GFM1: variants seen among roughly 807,000 people sequenced by gnomAD.
GFM1 encodes the protein elongation factor G, mitochondrial.
GFM1 carries 62 observed loss-of-function variants against 96.2 expected under a neutral mutation model. The ratio of observed to expected loss-of-function variants is 0.64; its 90% CI spans 0.53 to 0.80. GFM1 has a LOEUF of 0.80. Among genes scored for constraint, GFM1 ranks in the 30% least tolerant of loss-of-function variants. The pLI, the probability that GFM1 is intolerant of heterozygous loss-of-function variation, is 0.00. For synonymous variants in GFM1, 282 were observed against 312.9 expected (o/e 0.90, Z 1.04); for missense variants, 852 against 916.6 (o/e 0.93, Z 0.91).
intron 5 of GFM1, chr3:158,649,971 G>T (rs1259307165): frequency 6.6e-7 from 1 of 1,509,494 alleles, no homozygotes; most frequent in Non-Finnish European, 8.9e-7. Flanking sequence ...TTGTTCTGAG[G>T]AGTGACCTCT....
At chr3:158,654,366 A>G (rs1391735028) in intron 7 of GFM1, among the ~76,000 whole-genome samples, 181 bp from the exon 8 acceptor site, 1 of 152,108 alleles carries the variant, frequency 6.6e-6, no homozygotes, top group Non-Finnish European at 1.5e-5. Flanking sequence ...GGCATGAGCC[A>G]CTATGCCCAG....
In GFM1 at chr3:158,690,250, C is replaced by A. The variant is rs1395806620; in HGVS notation, c.1997C>A (p.Ala666Glu). The change falls in exon 16 of 18, where the codon GCA becomes GAA. Residue 666 changes from alanine to glutamate, a missense_variant. By Grantham distance (107) the Ala-to-Glu change is moderately radical. Transcript: ENST00000486715. ...APNEFQGQVI[A>E]GINRRHGVIT... ...AATGAATTTCAGGGACAAGTAATTG[C>A]AGGAATTAACCGACGCCATGGGGTA... 1.9e-6 allele frequency: 3 copies of A among 1,613,306 alleles called. No homozygotes were observed. Among genetic ancestry groups the A allele is most frequent in the Non-Finnish European group, 2.5e-6 (3 of 1,179,688 alleles).
Position 158,654,578 on chromosome 3 carries a change from A to G in GFM1, c.1030A>G (p.Asn344Asp). 6.2e-7 allele frequency: 1 copy of G among 1,612,874 alleles called. No homozygotes were observed. Among genetic ancestry groups the G allele is most frequent in the Non-Finnish European group, 8.5e-7 (1 of 1,178,964 alleles). Residue 344 changes from asparagine to aspartate, a missense_variant, in exon 8 of 18, where the codon AAC (asparagine) becomes GAC (aspartate). By Grantham distance (23) the Asn-to-Asp change is conservative (BLOSUM62 1). Coordinates refer to ENST00000486715, the MANE Select transcript of GFM1 (RefSeq NM_024996.7). ...DSKEKTKILM[N>D]SSRDNSHPFV... ...AAAAGAGAAAACCAAAATCCTAATG[A>G]ACTCCAGTAGAGACAATTCCCACCC...
intron 13 of GFM1, chr3:158,672,337 C>T (rs767473371): frequency 6.2e-7 from 1 of 1,613,224 alleles, no homozygotes; most frequent in African/African-American, 1.3e-5. Context: ...CCACCACCCC[C>T]TGCTAAACTC....
At chr3:158,648,810 A>G (rs988193460) in intron 4 of GFM1, among the ~76,000 whole-genome samples, 15 of 151,892 alleles carry the variant, frequency 9.9e-5, no homozygotes, top group Middle Eastern at 6.8e-3. Context: ...ATGGTAAAAC[A>G]GTTATTCTGG....
intron 15 of GFM1, among the ~76,000 whole-genome samples, chr3:158,688,972 T>A (rs1726090292): frequency 1.3e-5 from 2 of 152,236 alleles, no homozygotes; most frequent in Non-Finnish European, 2.9e-5. Flanking sequence ...TGGTTTATTA[T>A]AAACAAATTG....
chr3:158,655,521 T>C (rs1268810115), intron 8 of GFM1, among the ~76,000 whole-genome samples: 1 of 151,986 alleles, frequency 6.6e-6, no homozygotes, highest in Non-Finnish European at 1.5e-5. Flanking sequence ...TAATTACAAT[T>C]TGATAAATAA....
Position 158,654,532 on chromosome 3 carries a change from TTC to T in GFM1, c.999-13_999-12del, listed in dbSNP as rs1428201490. On this transcript the variant is annotated splice_polypyrimidine_tract_variant and intron_variant, in intron 7 of 17. Transcript: ENST00000486715. ...TATATTACATCTCATAGATTTATATTTCTTTTATTTTAAGTGACTCAAAAGAG... is the reference window on the plus strand; with the variant it reads ...TATATTACATCTCATAGATTTATATTTTTTATTTTAAGTGACTCAAAAGAG... 4 of 1,400,948 alleles carry T rather than the reference TTC, an allele frequency of 2.9e-6. No homozygotes were observed. The highest frequency in any genetic ancestry group is 1.4e-5 in the African/African-American group (1 of 70,702). The allele number at this position is 1,400,948 out of a possible 1,614,324, so 86.8% of individuals were successfully genotyped here.
rs1393497877 is a variant in GFM1, at chr3:158,692,213, A to G, written c.*746A>G. 6.6e-6 allele frequency: 1 copy of G among 152,328 alleles called. No homozygotes were observed. 9.4% of individuals were successfully genotyped at this position (152,328 alleles called of 1,614,324 possible). On this transcript the variant is annotated 3_prime_UTR_variant, in exon 18 of 18. Transcript: ENST00000486715. ...TTGTAACTGCCTCTGTTTTAGGAGT[A>G]TAAGTATTACTTCCTTGTGGTCTAT...
At chr3:158,670,930 C>T (rs757007533) in intron 13 of GFM1, 5 of 1,086,568 alleles carry the variant, frequency 4.6e-6, no homozygotes, top group African/African-American at 3.0e-5. Context: ...GAGACCCTGT[C>T]TCAAAGAAAA....
Position 158,695,194 on chromosome 3 carries a change from T to C in GFM1, c.*3727T>C, listed in dbSNP as rs1726497531. 6.6e-6 allele frequency among the ~76,000 whole-genome samples: 1 copy of C among 151,896 alleles called. No homozygotes were observed. Among genetic ancestry groups the C allele is most frequent in the Non-Finnish European group, 1.5e-5 (1 of 67,978 alleles). ...TTCGAGACCACCCTGGCCAACACGG[T>C]GAAACCCCGTCTCTACTATAAATAC... On this transcript the variant is annotated 3_prime_UTR_variant, in exon 18 of 18. Transcript: ENST00000486715.
At chr3:158,664,926 A>C (rs1360021102) in intron 11 of GFM1, among the ~76,000 whole-genome samples, 2 of 152,208 alleles carry the variant, frequency 1.3e-5, no homozygotes, top group Non-Finnish European at 2.9e-5. Flanking sequence ...GTTGGTCTTA[A>C]GTATCCTGCT....
intron 15 of GFM1, chr3:158,684,899 C>G (rs1725709432): frequency 4.4e-6 from 2 of 455,498 alleles, no homozygotes; most frequent in Middle Eastern, 5.9e-4. Flanking sequence ...GGCTTTCTTT[C>G]ATGTATTTGA....
At chr3:158,649,833 A>G in intron 5 of GFM1, 1 of 586,254 alleles carries the variant, frequency 1.7e-6, no homozygotes, top group Non-Finnish European at 3.1e-6. Flanking sequence ...GATTCTGATC[A>G]GTAGATTGGG....
Position 158,644,544 on chromosome 3 carries a change from T to C in GFM1, c.-91T>C, listed in dbSNP as rs904100673. On this transcript the variant is annotated 5_prime_UTR_variant, in exon 1 of 18. Transcript: ENST00000486715. Reference sequence around the variant, plus strand: ...CCGGAAGTGCTCTTACAACATTGGCTGCCGGCGTGACTTTGACCGCTTCCC... The same window carrying C: ...CCGGAAGTGCTCTTACAACATTGGCCGCCGGCGTGACTTTGACCGCTTCCC... The C allele has an allele frequency of 4.9e-6, 5 of 1,017,968 alleles. No homozygotes were observed. In the African/African-American group the frequency reaches 6.5e-5, roughly 13 times the overall value. The allele number at this position is 1,017,968 out of a possible 1,614,324, so 63.1% of individuals were successfully genotyped here.
At position 158,644,744 on chromosome 3, in the gene GFM1, G is replaced by T. The variant is rs780010700; in HGVS notation, c.81+29G>T. 3.2e-6 allele frequency: 5 copies of T among 1,539,026 alleles called. No homozygotes were observed. In the East Asian group the frequency reaches 7.2e-5, roughly 22 times the overall value. The stretch of plus-strand genomic sequence containing the variant: ...CCGGAGCATAGAGAGGCTAAATCGG[G>T]ACCATTCCCGGAACCTTGTGATCCC... On this transcript the variant is annotated intron_variant, in intron 1 of 17. Transcript: ENST00000486715.
chr3:158,693,909 C>T lies in GFM1; in HGVS notation c.*2442C>T, dbSNP rs1390717034. 1 of 152,130 alleles carries T rather than the reference C, an allele frequency of 6.6e-6. No homozygotes were observed. The highest frequency in any genetic ancestry group is 2.4e-5 in the African/African-American group (1 of 41,428). The allele number at this position is 152,130 out of a possible 1,614,324, so 9.4% of individuals were successfully genotyped here. ...TTAAAGACCGCTGAAATATTGCCTG[C>T]ACTGCGCTTAAGCCCAAGACATGAA... On this transcript the variant is annotated 3_prime_UTR_variant, in exon 18 of 18. Transcript: ENST00000486715.
intron 14 of GFM1, 34 bp downstream of exon 14, chr3:158,682,191 CT>C (rs746001912): frequency 5.1e-5 from 79 of 1,555,960 alleles, no homozygotes; most frequent in Non-Finnish European, 6.7e-5. Context: ...TGCATTTTTA[CT>C]TACTAAAAAC....
chr3:158,664,436 G>A (rs1723449449), intron 11 of GFM1, among the ~76,000 whole-genome samples: 1 of 152,136 alleles, frequency 6.6e-6, no homozygotes, highest in Non-Finnish European at 1.5e-5. Flanking sequence ...TGTAGGATGG[G>A]GGTTCCCCAT....
Sources: gnomAD v4.1 joint callset for allele counts (sites outside exome capture counted in the v4.1 genomes callset) on GRCh38, gnomAD v4.1.1 for gene constraint, MANE v1.5 for transcripts, NCBI Gene and HGNC (gene_info 2026-07-23, HGNC 2026-07-21) for gene names.